CDH13: variants seen among roughly 807,000 people sequenced by gnomAD.
The protein encoded by CDH13 is cadherin 13.
In CDH13, 24 loss-of-function variants were observed where a neutral mutation model predicts 63.8. The ratio of observed to expected loss-of-function variants is 0.38; its 90% CI spans 0.27 to 0.53. The LOEUF is 0.53. Among genes scored for constraint, CDH13 ranks in the 20% least tolerant of loss-of-function variants. The pLI, the probability that CDH13 is intolerant of heterozygous loss-of-function variation, is 0.85. For missense variants in CDH13, 1,049 were observed against 903.1 expected, an observed-to-expected ratio of 1.16 and a Z score of -2.07; for synonymous variants, 503 against 355.3, an observed-to-expected ratio of 1.42 and a Z score of -4.67.
At chr16:83,678,608 G>A in intron 10 of CDH13, 147 bp downstream of exon 10, 1 of 1,072,944 alleles carries the variant, frequency 9.3e-7, no homozygotes, top group Non-Finnish European at 1.3e-6. Context: ...GTCATAGAGA[G>A]GAGGTTGTGG....
Position 82,880,076 on chromosome 16 carries a change from A to G in CDH13, c.157+21603A>G, listed in dbSNP as rs938031534. Among the ~76,000 whole-genome samples the G allele has an allele frequency of 9.3e-4, 140 of 150,670 alleles. 4 individuals are homozygous for G. Among genetic ancestry groups the G allele is most frequent in the Non-Finnish European group, 7.8e-4 (53 of 67,758 alleles). On this transcript the variant is annotated intron_variant, in intron 2 of 13. Coordinates refer to ENST00000567109, the MANE Select transcript of CDH13 (RefSeq NM_001257.5). ...TATATATACTATTTATGTAATCAGT[A>G]TGTATATATATTATTTCAAACCTCA...
intron 1 of CDH13, among the ~76,000 whole-genome samples, chr16:82,709,696 C>G (rs1037033373): frequency 6.6e-6 from 1 of 152,156 alleles, no homozygotes; most frequent in South Asian, 2.1e-4. Flanking sequence ...GTTGGAGGAG[C>G]TTAGCTTGTT....
rs1183881442 is a variant in CDH13 at position 83,486,725 on chromosome 16, G to C, written c.960+70G>C. 4.8e-6 allele frequency: 7 copies of C among 1,444,650 alleles called. No individual in the cohort carries two copies. The Admixed American group carries it at 8.5e-5, about 18-fold the overall frequency. The allele number at this position is 1,444,650 out of a possible 1,614,324, so 89.5% of individuals were successfully genotyped here. On this transcript the variant is annotated intron_variant, in intron 7 of 13. Coordinates refer to ENST00000567109, the MANE Select transcript of CDH13 (RefSeq NM_001257.5). ...TGGCTTTCATGCAAGGGATGATGTGGGGCTCCAGTCAGTGGTTTTTTTTAA... is the reference window on the plus strand; with the variant it reads ...TGGCTTTCATGCAAGGGATGATGTGCGGCTCCAGTCAGTGGTTTTTTTTAA...
At chr16:82,749,961 C>T (rs1158845031) in intron 1 of CDH13, among the ~76,000 whole-genome samples, 4 of 152,074 alleles carry the variant, frequency 2.6e-5, no homozygotes, top group African/African-American at 7.2e-5. Flanking sequence ...AAAGGCAAGT[C>T]GATTTTTGTT....
intron 2 of CDH13, among the ~76,000 whole-genome samples, chr16:83,000,324 C>G (rs12934141): frequency 0.036 from 4,977 of 137,070 alleles, 113 homozygotes; most frequent in Non-Finnish European, 0.045. Flanking sequence ...TCTCGGCTCG[C>G]TGCAACCTCC....
chr16:83,109,640 G>A (rs9921372), intron 3 of CDH13, among the ~76,000 whole-genome samples: 15,350 of 152,162 alleles, frequency 0.1, 888 homozygotes, highest in African/African-American at 0.15. Flanking sequence ...GCTCACATCT[G>A]GAATACATGC....
chr16:83,533,735 C>T (rs868374284), intron 7 of CDH13, among the ~76,000 whole-genome samples: 2 of 151,040 alleles, frequency 1.3e-5, no homozygotes, highest in Non-Finnish European at 2.9e-5. Flanking sequence ...ATTCTCTTGC[C>T]TCACCCTCCT....
At chr16:83,202,420 G>A (rs142385861) in intron 4 of CDH13, among the ~76,000 whole-genome samples, 2 of 152,092 alleles carry the variant, frequency 1.3e-5, no homozygotes, top group East Asian at 1.9e-4. Flanking sequence ...GGGGTGGGGG[G>A]CCCTGGAAAG....
intron 4 of CDH13, among the ~76,000 whole-genome samples, chr16:83,152,819 G>C (rs180726993): frequency 2.3e-4 from 35 of 152,280 alleles, no homozygotes; most frequent in Admixed American, 2.2e-3. Context: ...TTAAGATGGG[G>C]TTATACTGAA....
At chr16:83,252,978 C>T (rs932268077) in intron 5 of CDH13, among the ~76,000 whole-genome samples, 3 of 152,138 alleles carry the variant, frequency 2.0e-5, no homozygotes, top group African/African-American at 7.2e-5. Context: ...AAGTGTGTCT[C>T]ATCATTATAC....
intron 2 of CDH13, among the ~76,000 whole-genome samples, chr16:82,917,890 G>A (rs1002072870): frequency 1.4e-5 from 2 of 147,002 alleles, no homozygotes; most frequent in African/African-American, 5.2e-5. Context: ...ACTCCAGCCT[G>A]GGCAACAGAG....
intron 5 of CDH13, among the ~76,000 whole-genome samples, chr16:83,342,066 G>A (rs1001702300): frequency 6.7e-6 from 1 of 149,744 alleles, no homozygotes; most frequent in Non-Finnish European, 1.5e-5. Flanking sequence ...TGATGGAAAT[G>A]TTCTACATCT....
chr16:82,998,590 A>G lies in CDH13; in HGVS notation c.158-33420A>G, dbSNP rs80344649. Among the ~76,000 whole-genome samples, 245 of 152,076 alleles carry G rather than the reference A, an allele frequency of 1.6e-3. 1 individual carries two copies. The highest frequency in any genetic ancestry group is 5.3e-3 in the African/African-American group (220 of 41,504). ...CTGCTTGGACCTTGTTTCATCCAAT[A>G]CCTCATGCCACTCTCAGCTTTCCAA... On this transcript the variant is annotated intron_variant, in intron 2 of 13. Transcript: ENST00000567109.
chr16:83,018,332 C>G (rs542289145), intron 2 of CDH13, among the ~76,000 whole-genome samples: 2 of 152,286 alleles, frequency 1.3e-5, no homozygotes, highest in South Asian at 2.1e-4. Flanking sequence ...CCACATTCAC[C>G]TTTAGTTGCC....
chr16:82,944,038 A>G (rs1226093409), intron 2 of CDH13, among the ~76,000 whole-genome samples: 1 of 152,166 alleles, frequency 6.6e-6, no homozygotes, highest in Non-Finnish European at 1.5e-5. Context: ...TCCCCTTGAG[A>G]TTAAGTATTT....
chr16:83,590,420 C>G lies in CDH13; in HGVS notation c.961-12034C>G, dbSNP rs1387702357. On this transcript the variant is annotated intron_variant, in intron 7 of 13. Coordinates refer to ENST00000567109, the MANE Select transcript of CDH13 (RefSeq NM_001257.5). ...GAGAGGGAATTGCTACAGAGACTCC[C>G]AGGGGCCGGCTGGAGATGATCCCTC... Among the ~76,000 whole-genome samples the G allele has an allele frequency of 3.3e-5, 5 of 152,084 alleles. No individual in the cohort carries two copies. In the East Asian group the frequency reaches 9.7e-4, roughly 29 times the overall value.
chr16:83,508,705 A>G (rs1222910341), intron 7 of CDH13, among the ~76,000 whole-genome samples: 1 of 152,102 alleles, frequency 6.6e-6, no homozygotes, highest in Non-Finnish European at 1.5e-5. Flanking sequence ...CCACCTGTGT[A>G]TTGACTCTTT....
chr16:83,575,852 G>C (rs1347797531), intron 7 of CDH13, among the ~76,000 whole-genome samples: 2 of 152,132 alleles, frequency 1.3e-5, no homozygotes, highest in Non-Finnish European at 2.9e-5. Context: ...GTAAGAGCAA[G>C]GTCCAGGACT....
intron 6 of CDH13, among the ~76,000 whole-genome samples, chr16:83,485,664 A>C (rs2073869874): frequency 6.6e-6 from 1 of 152,026 alleles, no homozygotes; most frequent in African/African-American, 2.4e-5. Flanking sequence ...ACCCCAGACT[A>C]GATAAGGTTG....
Sources: gnomAD v4.1 joint callset for allele counts (sites outside exome capture counted in the v4.1 genomes callset) on GRCh38, gnomAD v4.1.1 for gene constraint, MANE v1.5 for transcripts, NCBI Gene and HGNC (gene_info 2026-07-23, HGNC 2026-07-21) for gene names.